PTPRD: variants seen among roughly 807,000 people sequenced by gnomAD.
PTPRD encodes protein tyrosine phosphatase receptor type D, also known as receptor-type tyrosine-protein phosphatase delta.
A neutral mutation model predicts 214.5 loss-of-function variants in PTPRD; 34 were observed. The observed-to-expected ratio is 0.16, with a 90% CI of 0.12 to 0.21. The LOEUF is 0.21. Ranked by LOEUF, PTPRD falls within the 10% of genes least tolerant of loss-of-function variation. The probability of loss-of-function intolerance (pLI) is 1.00; values close to 1 mark genes in which losing one functional copy is unlikely to be tolerated. For synonymous variants in PTPRD, 1,128 were observed against 845.7 expected, an observed-to-expected ratio of 1.33 and a Z score of -5.79; for missense variants, 2,545 against 2,398.7, an observed-to-expected ratio of 1.06 and a Z score of -1.27.
intron 6 of PTPRD, among the ~76,000 whole-genome samples, chr9:9,753,819 G>A (rs1207817659): frequency 2.0e-5 from 3 of 151,836 alleles, no homozygotes; most frequent in Non-Finnish European, 4.4e-5. Context: ...TTATGTTTAG[G>A]GTTTAGCTTT....
intron 2 of PTPRD, among the ~76,000 whole-genome samples, chr9:10,560,992 C>T (rs530998967): frequency 8.5e-5 from 13 of 152,176 alleles, no homozygotes; most frequent in African/African-American, 2.4e-4. Context: ...AAATTCTGTT[C>T]GGATAAAGTG....
intron 10 of PTPRD, among the ~76,000 whole-genome samples, chr9:9,091,675 C>T (rs1246060150): frequency 6.6e-6 from 1 of 152,132 alleles, no homozygotes; most frequent in Non-Finnish European, 1.5e-5. Context: ...CATATATCTG[C>T]CTGTAACAAG....
At chr9:9,816,919 G>C (rs1023528486) in intron 5 of PTPRD, among the ~76,000 whole-genome samples, 2 of 150,660 alleles carry the variant, frequency 1.3e-5, no homozygotes, top group Non-Finnish European at 3.0e-5. Flanking sequence ...AGAAAAAAAA[G>C]TTTGTTTTTT....
chr9:10,511,109 T>C (rs1252846751), intron 2 of PTPRD, among the ~76,000 whole-genome samples: 1 of 152,196 alleles, frequency 6.6e-6, no homozygotes, highest in East Asian at 1.9e-4. Flanking sequence ...CTTTTTATCA[T>C]TGAGAATAAT....
At chr9:9,515,106 A>AT (rs2096802309) in intron 8 of PTPRD, among the ~76,000 whole-genome samples, 1 of 151,962 alleles carries the variant, frequency 6.6e-6, no homozygotes, top group Non-Finnish European at 1.5e-5. Context: ...AAAATCCTTG[A>AT]TTTTCCAGTA....
At chr9:10,316,015 G>C (rs568121952) in intron 3 of PTPRD, among the ~76,000 whole-genome samples, 1 of 151,636 alleles carries the variant, frequency 6.6e-6, no homozygotes, top group African/African-American at 2.4e-5. Flanking sequence ...GATAGTTTAA[G>C]ACACAAAGTG....
intron 5 of PTPRD, among the ~76,000 whole-genome samples, chr9:9,832,817 A>G (rs533867000): frequency 6.6e-6 from 1 of 152,118 alleles, no homozygotes; most frequent in East Asian, 1.9e-4. Context: ...TGACTGTAGC[A>G]GAGCAAAAAT....
chr9:8,870,152 G>A (rs1173057271), intron 11 of PTPRD, among the ~76,000 whole-genome samples: 3 of 147,286 alleles, frequency 2.0e-5, no homozygotes, highest in South Asian at 2.2e-4. Flanking sequence ...AGGTTTAAAC[G>A]TAAAAGACAC....
At chr9:9,348,610 G>A (rs1392238003) in intron 9 of PTPRD, among the ~76,000 whole-genome samples, 1 of 152,092 alleles carries the variant, frequency 6.6e-6, no homozygotes, top group Non-Finnish European at 1.5e-5. Context: ...TGTGTAATGG[G>A]ACGTTGGGGA....
rs544368479 is a variant in PTPRD, at chr9:9,988,836, T to A, written c.-472+44882A>T. 2.0e-5 allele frequency among the ~76,000 whole-genome samples: 3 copies of A among 151,918 alleles called. No individual in the cohort carries two copies. The South Asian group carries it at 6.2e-4, about 32-fold the overall frequency. On this transcript the variant is annotated intron_variant, in intron 4 of 45. Coordinates refer to ENST00000381196, the MANE Select transcript of PTPRD (RefSeq NM_002839.4). ...TTTCTTTTTATGGCCACACATTATATAAGGGATATCTTTTAATCTACTTCC... is the reference window on the plus strand; with the variant it reads ...TTTCTTTTTATGGCCACACATTATAAAAGGGATATCTTTTAATCTACTTCC...
intron 3 of PTPRD, among the ~76,000 whole-genome samples, chr9:10,273,168 A>T (rs763586434): frequency 8.5e-5 from 13 of 152,192 alleles, no homozygotes; most frequent in Admixed American, 2.6e-4. Flanking sequence ...ACAAGGGAAT[A>T]TCACTAAGGA....
In PTPRD at chr9:9,675,865, G is replaced by A. The variant is rs1198056075; in HGVS notation, c.-287+58668C>T. Among the ~76,000 whole-genome samples, 6 of 152,090 alleles carry A rather than the reference G, an allele frequency of 3.9e-5. No individual in the cohort carries two copies. The South Asian group carries it at 8.3e-4, about 21-fold the overall frequency. On this transcript the variant is annotated intron_variant, in intron 7 of 45. Transcript: ENST00000381196. ...ATATAAAAACAGGCAAAAATAGTATGAGAGGAAAAAGTTATACCCAATCTC... is the reference window on the plus strand; with the variant it reads ...ATATAAAAACAGGCAAAAATAGTATAAGAGGAAAAAGTTATACCCAATCTC...
At chr9:9,594,774 T>G (rs1205821089) in intron 7 of PTPRD, among the ~76,000 whole-genome samples, 2 of 152,146 alleles carry the variant, frequency 1.3e-5, no homozygotes, top group Admixed American at 1.3e-4. Flanking sequence ...GCAAAAGGAA[T>G]AGTCAGCAGA....
intron 35 of PTPRD, among the ~76,000 whole-genome samples, chr9:8,421,178 G>C (rs146482991): frequency 1.1e-3 from 162 of 152,212 alleles, no homozygotes; most frequent in Middle Eastern, 3.4e-3. Context: ...ACTATGCTTG[G>C]AAAGTGGGAG....
At chr9:9,569,389 T>G (rs1029928036) in intron 8 of PTPRD, among the ~76,000 whole-genome samples, 2 of 151,748 alleles carry the variant, frequency 1.3e-5, no homozygotes, top group Non-Finnish European at 3.0e-5. Flanking sequence ...ATTTGTATCA[T>G]GTGATAACAG....
chr9:10,555,047 A>C (rs142105321), intron 2 of PTPRD, among the ~76,000 whole-genome samples: 58 of 152,332 alleles, frequency 3.8e-4, no homozygotes, highest in Admixed American at 2.9e-3. Context: ...CATTGCTCTA[A>C]ATTATGAAAT....
chr9:10,167,468 C>G (rs1021263144), intron 3 of PTPRD, among the ~76,000 whole-genome samples: 2 of 152,112 alleles, frequency 1.3e-5, no homozygotes, highest in Non-Finnish European at 2.9e-5. Flanking sequence ...TTACAAAGTA[C>G]AGGAGATCCA....
intron 11 of PTPRD, among the ~76,000 whole-genome samples, chr9:8,924,230 T>G (rs532075369): frequency 1.1e-5 from 1 of 87,002 alleles, no homozygotes; most frequent in South Asian, 2.9e-4. Flanking sequence ...TGGCAAAGTA[T>G]CAACCCAAAA....
chr9:9,468,536 T>G (rs2146338030), intron 8 of PTPRD, among the ~76,000 whole-genome samples: 1 of 152,210 alleles, frequency 6.6e-6, no homozygotes, highest in East Asian at 1.9e-4. Flanking sequence ...CTATTCTTTT[T>G]CTAACTTCTT....
Sources: gnomAD v4.1 joint callset for allele counts (sites outside exome capture counted in the v4.1 genomes callset) on GRCh38, gnomAD v4.1.1 for gene constraint, MANE v1.5 for transcripts, NCBI Gene and HGNC (gene_info 2026-07-23, HGNC 2026-07-21) for gene names.